SLC51A: variants seen among roughly 807,000 people sequenced by gnomAD.
SLC51A encodes organic solute transporter subunit alpha.
In SLC51A, 22 loss-of-function variants were observed where a neutral mutation model predicts 34.8. That is an observed-to-expected ratio of 0.63 (90% CI 0.45 to 0.90). The LOEUF (loss-of-function observed/expected upper bound fraction) is 0.90, where lower values mean the gene tolerates loss of function less well. Ranked by LOEUF, SLC51A falls within the 40% of genes least tolerant of loss-of-function variation. SLC51A has a pLI of 0.00. For synonymous variants in SLC51A, 181 were observed against 176.3 expected (o/e 1.03, Z -0.21); for missense variants, 371 against 414.8 (o/e 0.89, Z 0.92).
At chr3:196,220,958 C>T (rs1378880850) in intron 2 of SLC51A, among the ~76,000 whole-genome samples, 4 of 147,950 alleles carry the variant, frequency 2.7e-5, no homozygotes, top group African/African-American at 7.5e-5. Flanking sequence ...GGTGCGATCT[C>T]GGCTTACCCC....
intron 2 of SLC51A, among the ~76,000 whole-genome samples, chr3:196,220,264 G>A (rs185522009): frequency 8.6e-4 from 131 of 152,330 alleles, no homozygotes; most frequent in Non-Finnish European, 1.4e-3. Context: ...TCGGCCATTC[G>A]TTAGTAATCA....
At position 196,216,655 on chromosome 3, in the gene SLC51A, C is replaced by T. The variant is rs762725012; in HGVS notation, c.-58C>T. 272 of 1,542,142 alleles carry T rather than the reference C, an allele frequency of 1.8e-4. No individual in the cohort carries two copies. The highest frequency in any genetic ancestry group is 2.2e-4 in the Non-Finnish European group (251 of 1,141,618). ...ACCCTGCCCCCGGCCCCCACCTGCCCGCCCCGCCTGCCCTTCCTCACCCCG... is the reference window on the plus strand; with the variant it reads ...ACCCTGCCCCCGGCCCCCACCTGCCTGCCCCGCCTGCCCTTCCTCACCCCG... On this transcript the variant is annotated 5_prime_UTR_variant, in exon 1 of 9. Coordinates refer to ENST00000296327, the MANE Select transcript of SLC51A (RefSeq NM_152672.6). The surrounding 1 kb of genome is among the most constrained non-coding windows in gnomAD (Gnocchi z 4.5).
At chr3:196,229,781 A>T in intron 6 of SLC51A, 134 bp from the exon 7 acceptor site, 4 of 997,538 alleles carry the variant, frequency 4.0e-6, no homozygotes, top group Non-Finnish European at 5.6e-6. Context: ...TGGAGCCAGG[A>T]GTGTGATGCT....
At position 196,233,170 on chromosome 3, in the gene SLC51A, C is replaced by G. The variant is rs745311146; in HGVS notation, c.994C>G (p.Pro332Ala). ...GGTTGGGTATGAAACTTTCTCTTCT[C>G]CAGACCTGGACTTGAACCTCAAAGC... ...HKVGYETFSS[P>A]DLDLNLKA Residue 332 changes from proline (P) to alanine (A), a missense_variant, in exon 9 of 9, where the codon CCA becomes GCA. Pro to Ala is a conservative substitution (Grantham distance 27, BLOSUM62 -1). Transcript: ENST00000296327. 1 of 1,614,220 alleles carries G rather than the reference C, an allele frequency of 6.2e-7. No individual in the cohort carries two copies. The highest frequency in any genetic ancestry group is 8.5e-7 in the Non-Finnish European group (1 of 1,180,048).
At chr3:196,217,701 G>GGAAAGAAA (rs755517048) in intron 1 of SLC51A, 141 bp from the exon 2 acceptor site, 1 of 603,704 alleles carries the variant, frequency 1.7e-6, no homozygotes, top group Non-Finnish European at 2.9e-6. Flanking sequence ...AAGGAAGGAA[G>GGAAAGAAA]GAAAGAAAGA....
At position 196,228,895 on chromosome 3, in the gene SLC51A, C is replaced by T; in HGVS notation, c.608C>T (p.Pro203Leu). 4.3e-6 allele frequency: 7 copies of T among 1,614,122 alleles called. No homozygotes were observed. Among genetic ancestry groups the T allele is most frequent in the Non-Finnish European group, 5.9e-6 (7 of 1,179,980 alleles). The change falls in exon 6 of 9, where the codon CCC becomes CTC. Residue 203 changes from proline to leucine, a missense_variant. Coordinates refer to ENST00000296327, the MANE Select transcript of SLC51A (RefSeq NM_152672.6). The surrounding 1 kb of genome is among the most constrained non-coding windows in gnomAD (Gnocchi z 4.9). Reference protein sequence around the residue: ...TLTLVGLFLVPDGIYDPADIS... With the variant: ...TLTLVGLFLVLDGIYDPADIS... ...ACCCTGGTGGGCCTGTTTCTCGTCC[C>T]CGACGGCATCTATGACCCAGCAGAC...
chr3:196,230,475 G>C (rs999620017), intron 7 of SLC51A, among the ~76,000 whole-genome samples: 2 of 150,698 alleles, frequency 1.3e-5, no homozygotes, highest in East Asian at 3.9e-4. Flanking sequence ...CCATTATCTC[G>C]TTATATTCTC....
intron 2 of SLC51A, among the ~76,000 whole-genome samples, chr3:196,221,265 G>A (rs1371054272): frequency 1.3e-5 from 2 of 151,572 alleles, no homozygotes; most frequent in Non-Finnish European, 2.9e-5. Context: ...TTAAAAAAAA[G>A]AGAGAGAGAA....
chr3:196,228,245 C>T lies in SLC51A; in HGVS notation c.493C>T (p.Pro165Ser), dbSNP rs1332866853. The change falls in exon 5 of 9, where the codon CCC becomes TCC. Residue 165 changes from proline (P) to serine (S), a missense_variant. Transcript: ENST00000296327. The surrounding 1 kb of genome is among the most constrained non-coding windows in gnomAD (Gnocchi z 4.9). ...CACAGGCCCCTGCTGCTGCTGCTGC[C>T]CCTGCTGTCCACGGCTGCTGCTCAC... is the stretch of plus-strand genomic sequence containing the variant. ...VHTGPCCCCC[P>S]CCPRLLLTRK... 4 of 1,612,858 alleles carry T rather than the reference C, an allele frequency of 2.5e-6. No homozygotes were observed. In the South Asian group the frequency reaches 4.4e-5, roughly 18 times the overall value.
At chr3:196,222,108 AT>A (rs1723773809) in intron 2 of SLC51A, among the ~76,000 whole-genome samples, 1 of 152,162 alleles carries the variant, frequency 6.6e-6, no homozygotes. Context: ...CATGGAAATA[AT>A]TTTTGGTTAG....
chr3:196,226,793 A>AC (rs1723903813), intron 2 of SLC51A, among the ~76,000 whole-genome samples, 172 bp from the exon 3 acceptor site: 1 of 145,916 alleles, frequency 6.9e-6, no homozygotes, highest in Admixed American at 7.0e-5. Flanking sequence ...AAAAAAAGAA[A>AC]AAGAAAAAAA....
At position 196,228,814 on chromosome 3, in the gene SLC51A, A is replaced by G; in HGVS notation, c.527A>G (p.Lys176Arg). ...CCPRLLLTRK[K>R]LQLLMLGPFQ... ...TAACCCTCTTCCCCACTCAGGAAGA[A>G]GCTTCAGCTGCTGATGTTGGGCCCT... The change falls in exon 6 of 9, where the codon AAG becomes AGG. Residue 176 changes from lysine (K) to arginine (R), a missense_variant. Physicochemically the swap from Lys to Arg is conservative, Grantham distance 26. Coordinates refer to ENST00000296327, the MANE Select transcript of SLC51A (RefSeq NM_152672.6). The surrounding 1 kb of genome is among the most constrained non-coding windows in gnomAD (Gnocchi z 4.9). 1.9e-6 allele frequency: 3 copies of G among 1,613,982 alleles called. No individual in the cohort carries two copies. The South Asian group carries it at 3.3e-5, about 18-fold the overall frequency.
Position 196,228,193 on chromosome 3 carries a change from G to A in SLC51A, c.441G>A (p.Thr147=), listed in dbSNP as rs140082619. The stretch of plus-strand genomic sequence containing the variant: ...GGGGGAAGGAGGCAGTGCTGAGGAC[G>A]CTGAGGGACACCCCGATGATGGTCC... ...GFGGKEAVLR[T]LRDTPMMVHT... The change falls in exon 5 of 9, where the codon ACG becomes ACA. Residue 147 remains threonine (T), a synonymous_variant. Coordinates refer to ENST00000296327, the MANE Select transcript of SLC51A (RefSeq NM_152672.6). This position sits in a 1 kb window ranked among gnomAD's most constrained non-coding sequence, Gnocchi z 4.9. The A allele has an allele frequency of 7.8e-5, 126 of 1,614,084 alleles. No homozygotes were observed. The African/African-American group carries it at 8.0e-4, about 10-fold the overall frequency.
intron 2 of SLC51A, among the ~76,000 whole-genome samples, chr3:196,223,261 T>C (rs1723810068): frequency 6.6e-6 from 1 of 151,954 alleles, no homozygotes; most frequent in Non-Finnish European, 1.5e-5. Context: ...TCTCATAGGT[T>C]ATTTCTTTCA....
chr3:196,228,768 G>T lies in SLC51A; in HGVS notation c.522-41G>T, dbSNP rs767888977. 1 of 1,565,240 alleles carries T rather than the reference G, an allele frequency of 6.4e-7. No homozygotes were observed. The highest frequency in any genetic ancestry group is 2.2e-5 in the East Asian group (1 of 44,608). On this transcript the variant is annotated intron_variant, in intron 5 of 8. Transcript: ENST00000296327. This position sits in a 1 kb window ranked among gnomAD's most constrained non-coding sequence, Gnocchi z 4.9. ...AGCCGGGGCGTCTTCCTGGGGCAGG[G>T]GGTTTGTGGGCCCATGTTCCTAACC...
chr3:196,231,836 T>G (rs148869661), intron 7 of SLC51A, among the ~76,000 whole-genome samples: 2 of 152,258 alleles, frequency 1.3e-5, no homozygotes, highest in Non-Finnish European at 2.9e-5. Flanking sequence ...CCTTTTGCCT[T>G]CTTTATTTGG....
intron 1 of SLC51A, among the ~76,000 whole-genome samples, chr3:196,217,311 C>T (rs111732200): frequency 0.025 from 3,823 of 152,314 alleles, 81 homozygotes; most frequent in Non-Finnish European, 0.036. Flanking sequence ...AAGCCCAGTT[C>T]CAGTTTGAGT....
intron 2 of SLC51A, among the ~76,000 whole-genome samples, chr3:196,220,890 CTTT>C (rs758950658): frequency 1.1e-4 from 15 of 132,268 alleles, no homozygotes; most frequent in Non-Finnish European, 1.4e-4. Flanking sequence ...CTTAATTTTT[CTTT>C]TTTTTTTTTT....
intron 2 of SLC51A, among the ~76,000 whole-genome samples, chr3:196,219,388 T>A (rs1250286522): frequency 6.6e-6 from 1 of 152,228 alleles, no homozygotes; most frequent in East Asian, 1.9e-4. Context: ...TCCTGCTGCA[T>A]ACTGACTACC....
Sources: gnomAD v4.1 joint callset for allele counts (sites outside exome capture counted in the v4.1 genomes callset) on GRCh38, gnomAD v4.1.1 for gene constraint, Gnocchi (gnomAD v3.1) non-coding constraint, MANE v1.5 for transcripts, NCBI Gene and HGNC (gene_info 2026-07-23, HGNC 2026-07-21) for gene names.